PRKG1: variants seen among roughly 807,000 people sequenced by gnomAD.
The protein encoded by PRKG1 is cGMP-dependent protein kinase 1.
In PRKG1, 35 loss-of-function variants were observed where a neutral mutation model predicts 88.1. The observed-to-expected ratio is 0.40, with a 90% CI of 0.30 to 0.53. PRKG1 has a LOEUF of 0.53. Ranked by LOEUF, PRKG1 falls within the 20% of genes least tolerant of loss-of-function variation. PRKG1 has a pLI of 0.59. For synonymous variants in PRKG1, 303 were observed against 292.5 expected (o/e 1.04, Z -0.37); for missense variants, 540 against 839.8 (o/e 0.64, Z 4.41).
At chr10:52,254,947 C>T (rs968976896) in intron 10 of PRKG1, among the ~76,000 whole-genome samples, 23 of 152,082 alleles carry the variant, frequency 1.5e-4, no homozygotes, top group Non-Finnish European at 3.2e-4. Context: ...TGTTTAATAT[C>T]AGACAGTATC....
intron 8 of PRKG1, among the ~76,000 whole-genome samples, chr10:52,151,807 A>G (rs1171459136): frequency 1.3e-5 from 2 of 152,170 alleles, no homozygotes; most frequent in Non-Finnish European, 2.9e-5. Context: ...CTATCACCTG[A>G]GATTTGATTC....
intron 2 of PRKG1, among the ~76,000 whole-genome samples, chr10:51,466,782 T>C (rs1839918216): frequency 6.6e-6 from 1 of 152,018 alleles, no homozygotes; most frequent in Non-Finnish European, 1.5e-5. Context: ...TATAAAGGCC[T>C]GAAGTTTGGC....
intron 2 of PRKG1, among the ~76,000 whole-genome samples, chr10:51,213,765 G>GGT (rs1402002819): frequency 6.6e-6 from 1 of 151,632 alleles, no homozygotes; most frequent in Non-Finnish European, 1.5e-5. Context: ...GAAGTGTGTG[G>GGT]GTGTGTGTGT....
intron 1 of PRKG1, among the ~76,000 whole-genome samples, chr10:51,034,668 T>TATATATATA (rs1554831109): frequency 4.4e-5 from 3 of 68,184 alleles, no homozygotes; most frequent in Admixed American, 2.0e-4. Context: ...AATATGTTAT[T>TATATATATA]TATATATATA....
At position 51,164,272 on chromosome 10, in the gene PRKG1, T is replaced by A. The variant is rs1846462427; in HGVS notation, c.478+10942T>A. ...CGCTGTTCTGCAGCCACCGCTGCTG[T>A]TACCCAGGCAAACAGGGTCTGGAGT... On this transcript the variant is annotated intron_variant, in intron 2 of 17. Coordinates refer to ENST00000373980, the MANE Select transcript of PRKG1 (RefSeq NM_006258.4). Among the ~76,000 whole-genome samples the A allele has an allele frequency of 2.0e-5, 3 of 152,296 alleles. No individual in the cohort carries two copies. The South Asian group carries it at 6.2e-4, about 32-fold the overall frequency.
chr10:51,189,203 A>G (rs1358829155), intron 2 of PRKG1, among the ~76,000 whole-genome samples: 1 of 151,928 alleles, frequency 6.6e-6, no homozygotes, highest in Non-Finnish European at 1.5e-5. Context: ...AGGCCCGTAT[A>G]TTCTTTATGG....
At chr10:52,121,380 T>C (rs1471212036) in intron 7 of PRKG1, among the ~76,000 whole-genome samples, 1 of 152,228 alleles carries the variant, frequency 6.6e-6, no homozygotes, top group Non-Finnish European at 1.5e-5. Flanking sequence ...ACGGTTAGTA[T>C]TCTCTCCCAA....
intron 3 of PRKG1, among the ~76,000 whole-genome samples, chr10:51,734,719 T>G (rs1307676533): frequency 6.6e-6 from 1 of 152,204 alleles, no homozygotes; most frequent in Non-Finnish European, 1.5e-5. Flanking sequence ...ATGGAAACAC[T>G]GGCTTCTTCC....
intron 2 of PRKG1, among the ~76,000 whole-genome samples, chr10:51,263,761 A>G (rs1347262938): frequency 6.6e-6 from 1 of 152,240 alleles, no homozygotes; most frequent in Non-Finnish European, 1.5e-5. Flanking sequence ...TTATGAAAGA[A>G]TAAATGCTAG....
intron 3 of PRKG1, among the ~76,000 whole-genome samples, chr10:51,580,631 A>T (rs7084944): frequency 0.01 from 1,541 of 152,234 alleles, 33 homozygotes; most frequent in African/African-American, 0.035. Context: ...AATATACTTA[A>T]ACAGCCTTTT....
intron 5 of PRKG1, among the ~76,000 whole-genome samples, chr10:51,960,511 C>A (rs1253714945): frequency 6.6e-6 from 1 of 151,660 alleles, no homozygotes; most frequent in Non-Finnish European, 1.5e-5. Context: ...CCCACCACAC[C>A]CCCCACCAAA....
chr10:51,168,261 C>T (rs532695842), intron 2 of PRKG1, among the ~76,000 whole-genome samples: 1 of 152,168 alleles, frequency 6.6e-6, no homozygotes, highest in South Asian at 2.1e-4. Flanking sequence ...TTAGAGGCCA[C>T]ATGGTGTGTG....
chr10:51,425,665 G>A lies in PRKG1; in HGVS notation c.479-42058G>A, dbSNP rs1588946220. Among the ~76,000 whole-genome samples the A allele has an allele frequency of 2.0e-5, 3 of 152,094 alleles. No individual in the cohort carries two copies. In the East Asian group the frequency reaches 5.9e-4, roughly 30 times the overall value. On this transcript the variant is annotated intron_variant, in intron 2 of 17. Transcript: ENST00000373980. Reference sequence around the variant, plus strand: ...AGCAGCTGTAAATGATCAGAATCAGGCCTTGGCTAGTTTCAGCTTCTGCCA... The same window carrying A: ...AGCAGCTGTAAATGATCAGAATCAGACCTTGGCTAGTTTCAGCTTCTGCCA...
chr10:51,077,732 C>G (rs1468892435), intron 1 of PRKG1, among the ~76,000 whole-genome samples: 1 of 152,118 alleles, frequency 6.6e-6, no homozygotes, highest in Non-Finnish European at 1.5e-5. Context: ...TTTTATTGGT[C>G]TCTTTCACAA....
chr10:51,028,531 A>C (rs550207546), intron 1 of PRKG1, among the ~76,000 whole-genome samples: 4 of 152,230 alleles, frequency 2.6e-5, no homozygotes, highest in African/African-American at 9.6e-5. Context: ...ACAAAATTAC[A>C]ATAATCTGCC....
At chr10:52,059,231 G>C (rs1273122313) in intron 6 of PRKG1, among the ~76,000 whole-genome samples, 1 of 151,890 alleles carries the variant, frequency 6.6e-6, no homozygotes, top group Admixed American at 6.6e-5. Flanking sequence ...ATGCAAAATG[G>C]TAAAGCCATT....
At chr10:51,296,705 T>G (rs542574980) in intron 2 of PRKG1, among the ~76,000 whole-genome samples, 1 of 152,196 alleles carries the variant, frequency 6.6e-6, no homozygotes, top group East Asian at 1.9e-4. Flanking sequence ...TCCTTCCTTC[T>G]GATAATTTTA....
At chr10:51,486,799 G>T (rs538008573) in intron 3 of PRKG1, among the ~76,000 whole-genome samples, 2 of 152,106 alleles carry the variant, frequency 1.3e-5, no homozygotes, top group East Asian at 3.9e-4. Flanking sequence ...TCTCACAAAA[G>T]GATTTTACCT....
At chr10:52,006,153 C>T (rs11599067) in intron 5 of PRKG1, among the ~76,000 whole-genome samples, 23,570 of 152,120 alleles carry the variant, frequency 0.15, 2,122 homozygotes, top group South Asian at 0.26. Flanking sequence ...GAAGGAACAT[C>T]ATCAGCCCAC....
Sources: gnomAD v4.1 joint callset for allele counts (sites outside exome capture counted in the v4.1 genomes callset) on GRCh38, gnomAD v4.1.1 for gene constraint, MANE v1.5 for transcripts, NCBI Gene and HGNC (gene_info 2026-07-23, HGNC 2026-07-21) for gene names.